NNT: variants seen among roughly 807,000 people sequenced by gnomAD.
NNT encodes the protein NAD(P) transhydrogenase, mitochondrial.
Under a neutral mutation model 104.8 loss-of-function variants are expected in NNT, and 50 were observed. The observed-to-expected ratio is 0.48, with a 90% CI of 0.38 to 0.60. The LOEUF is 0.60. NNT is among the 20% of genes least tolerant of loss of function. NNT has a pLI of 0.00. For synonymous variants in NNT, 461 were observed against 490.4 expected, an observed-to-expected ratio of 0.94 and a Z score of 0.79; for missense variants, 1,131 against 1,330.7, an observed-to-expected ratio of 0.85 and a Z score of 2.33.
chr5:43,628,486 A>C, intron 7 of NNT, 99 bp downstream of exon 7: 6 of 914,344 alleles, frequency 6.6e-6, no homozygotes, highest in Non-Finnish European at 9.6e-6. Flanking sequence ...AATTTCTTTA[A>C]GGAAGGATCT....
At chr5:43,678,320 T>C (rs1207887135) in intron 19 of NNT, among the ~76,000 whole-genome samples, 1 of 152,182 alleles carries the variant, frequency 6.6e-6, no homozygotes, top group Non-Finnish European at 1.5e-5. Flanking sequence ...AAGATGACTG[T>C]TTCTTAAAGT....
At chr5:43,629,097 AC>A (rs1750533206) in intron 7 of NNT, among the ~76,000 whole-genome samples, 1 of 151,912 alleles carries the variant, frequency 6.6e-6, no homozygotes, top group African/African-American at 2.4e-5. Context: ...ATTTTGGTGC[AC>A]CTGTCACCTG....
rs1308855199 is a variant in NNT at position 43,705,648 on chromosome 5, A to C, written c.*1244A>C. ...ACACATGAAAGACAATCTCTAAACC[A>C]GAAAAAGAAGTAGTACAAATTTTGT... On this transcript the variant is annotated 3_prime_UTR_variant, in exon 22 of 22. Coordinates refer to ENST00000344920, the MANE Select transcript of NNT (RefSeq NM_182977.3). The C allele has an allele frequency of 6.6e-6, 1 of 152,174 alleles. No homozygotes were observed. Among genetic ancestry groups the C allele is most frequent in the Non-Finnish European group, 1.5e-5 (1 of 67,988 alleles). 9.4% of individuals were successfully genotyped at this position (152,174 alleles called of 1,614,324 possible). A position where few individuals can be genotyped will look rare whatever the true frequency, so the allele number is the denominator to read the frequency against.
intron 19 of NNT, among the ~76,000 whole-genome samples, chr5:43,690,193 A>C (rs1190368851): frequency 6.6e-6 from 1 of 152,164 alleles, no homozygotes; most frequent in Non-Finnish European, 1.5e-5. Context: ...ATTCATCACA[A>C]AACAATCCAG....
rs538616634 is a variant in NNT at position 43,656,017 on chromosome 5, C to T, written c.2237C>T (p.Thr746Ile). The stretch of plus-strand genomic sequence containing the variant: ...ACCAAGATTGTGGCCTACCTCGGCA[C>T]TTACATTGGTGGCGTCACCTTTAGT... The part of the protein sequence containing the change: ...NLTKIVAYLG[T>I]YIGGVTFSGS... The change falls in exon 15 of 22, where the codon ACT (threonine) becomes ATT (isoleucine). Residue 746 changes from threonine to isoleucine, a missense_variant. Coordinates refer to ENST00000344920, the MANE Select transcript of NNT (RefSeq NM_182977.3). 3 of 1,614,194 alleles carry T rather than the reference C, an allele frequency of 1.9e-6. No individual in the cohort carries two copies. The South Asian group carries it at 3.3e-5, about 18-fold the overall frequency.
At chr5:43,678,274 T>C (rs1419621690) in intron 19 of NNT, among the ~76,000 whole-genome samples, 1 of 152,152 alleles carries the variant, frequency 6.6e-6, no homozygotes, top group Non-Finnish European at 1.5e-5. Context: ...CTCAAACCCA[T>C]GTTGTTCAAG....
intron 2 of NNT, among the ~76,000 whole-genome samples, chr5:43,612,012 A>C (rs928820595): frequency 2.0e-5 from 3 of 151,870 alleles, no homozygotes; most frequent in Non-Finnish European, 4.4e-5. Context: ...GAGCCCAGAA[A>C]CCCCCCATCT....
At chr5:43,671,304 G>A (rs541391332) in intron 17 of NNT, among the ~76,000 whole-genome samples, 6 of 152,262 alleles carry the variant, frequency 3.9e-5, no homozygotes, top group African/African-American at 9.6e-5. Flanking sequence ...ATATTGTTAT[G>A]TGTGAATTTG....
intron 19 of NNT, among the ~76,000 whole-genome samples, chr5:43,694,793 TG>T (rs548774312): frequency 7.6e-4 from 114 of 149,492 alleles, no homozygotes; most frequent in African/African-American, 2.8e-3. Context: ...TGACAGATTT[TG>T]GTATCAGAAT....
intron 7 of NNT, among the ~76,000 whole-genome samples, chr5:43,629,171 C>G (rs750712646): frequency 6.6e-6 from 1 of 152,018 alleles, no homozygotes; most frequent in African/African-American, 2.4e-5. Flanking sequence ...CACTCTTAAC[C>G]CCTGAGTCCC....
intron 20 of NNT, among the ~76,000 whole-genome samples, chr5:43,700,746 T>C (rs1742809436): frequency 6.6e-6 from 1 of 152,270 alleles, no homozygotes; most frequent in African/African-American, 2.4e-5. Context: ...CTGTACGTTA[T>C]AGCTGTCATA....
Position 43,665,249 on chromosome 5 carries a change from T to C in NNT, c.2634+5899T>C, listed in dbSNP as rs183945877. Among the ~76,000 whole-genome samples, 124 of 150,770 alleles carry C rather than the reference T, an allele frequency of 8.2e-4. 1 individual carries two copies. The East Asian group carries it at 0.02, about 24-fold the overall frequency. ...TATTATTATTATTATTATTTTTTAG[T>C]ATTTATTGATCATTCTTGGGTGTTT... On this transcript the variant is annotated intron_variant, in intron 17 of 21. Coordinates refer to ENST00000344920, the MANE Select transcript of NNT (RefSeq NM_182977.3).
chr5:43,623,648 A>C, intron 5 of NNT, among the ~76,000 whole-genome samples: 1 of 152,192 alleles, frequency 6.6e-6, no homozygotes, highest in Non-Finnish European at 1.5e-5. Flanking sequence ...GATAGGGTAA[A>C]GGTAGTTAGA....
Position 43,675,581 on chromosome 5 carries a change from C to T in NNT, c.2705C>T (p.Pro902Leu). ...YGTTSTAGGKPMEISGTHTEI... is the reference protein window; with the variant it reads ...YGTTSTAGGKLMEISGTHTEI... Reference sequence around the variant, plus strand: ...ACCACTTCAACAGCTGGTGGAAAACCCATGGAAATTTCTGGCACACATACG... The same window carrying T: ...ACCACTTCAACAGCTGGTGGAAAACTCATGGAAATTTCTGGCACACATACG... Residue 902 changes from proline (P) to leucine (L), a missense_variant, in exon 18 of 22, where the codon CCC (proline) becomes CTC (leucine). Coordinates refer to ENST00000344920, the MANE Select transcript of NNT (RefSeq NM_182977.3). The T allele has an allele frequency of 6.2e-7, 1 of 1,613,522 alleles. No homozygotes were observed. The highest frequency in any genetic ancestry group is 8.5e-7 in the Non-Finnish European group (1 of 1,179,816).
chr5:43,701,286 C>G (rs1170072195), intron 20 of NNT, among the ~76,000 whole-genome samples: 2 of 152,064 alleles, frequency 1.3e-5, no homozygotes, highest in African/African-American at 4.8e-5. Flanking sequence ...ATTTATGTTC[C>G]TGAGTACCCA....
intron 3 of NNT, 33 bp from the exon 4 acceptor site, chr5:43,615,815 T>C (rs1323874631): frequency 6.7e-7 from 1 of 1,489,860 alleles, no homozygotes; most frequent in Non-Finnish European, 9.2e-7. Context: ...AAAGTATTTA[T>C]ATTTATAATC....
rs527817608 is a variant in NNT, at chr5:43,690,260, A to G, written c.2877-9859A>G. 6.6e-5 allele frequency among the ~76,000 whole-genome samples: 10 copies of G among 151,682 alleles called. No individual in the cohort carries two copies. The East Asian group carries it at 1.4e-3, about 21-fold the overall frequency. On this transcript the variant is annotated intron_variant, in intron 19 of 21. Coordinates refer to ENST00000344920, the MANE Select transcript of NNT (RefSeq NM_182977.3). ...TTTTTTTTTTAGTCCAGGGAAACTG[A>G]TTTTGGACTTCTGACCTTCAGCCCT...
intron 17 of NNT, among the ~76,000 whole-genome samples, chr5:43,674,268 C>G (rs779530610): frequency 6.6e-6 from 1 of 152,056 alleles, no homozygotes; most frequent in Non-Finnish European, 1.5e-5. Context: ...TAAAGTATGG[C>G]TTCTTGCTTA....
In NNT at chr5:43,615,955, G is replaced by A. The variant is rs765251374; in HGVS notation, c.489G>A (p.Leu163=). ...TTTACCCAGCCCAAAATCCAGAGTT[G>A]CTAAATAAACTTTCCCAAAGAAAAA... is the stretch of plus-strand genomic sequence containing the variant. The part of the protein sequence containing the change: ...SFIYPAQNPE[L]LNKLSQRKTT... The change falls in exon 4 of 22, where the codon TTG becomes TTA. Residue 163 remains leucine (L), a synonymous_variant. Transcript: ENST00000344920. 6.2e-7 allele frequency: 1 copy of A among 1,614,142 alleles called. No homozygotes were observed.
Sources: gnomAD v4.1 joint callset for allele counts (sites outside exome capture counted in the v4.1 genomes callset) on GRCh38, gnomAD v4.1.1 for gene constraint, MANE v1.5 for transcripts, NCBI Gene and HGNC (gene_info 2026-07-23, HGNC 2026-07-21) for gene names.